Variants in NCAM1 observed in about 807,000 individuals in gnomAD.
NCAM1 encodes the protein antigen recognized by monoclonal antibody 5.1H11.
NCAM1 carries 14 observed loss-of-function variants against 109.8 expected under a neutral mutation model. The ratio of observed to expected loss-of-function variants is 0.13; its 90% CI spans 0.08 to 0.20. The LOEUF (loss-of-function observed/expected upper bound fraction) is 0.20. NCAM1 is among the 10% of genes least tolerant of loss of function. The pLI is 1.00. For missense variants in NCAM1, 774 were observed against 1,109.9 expected (o/e 0.70, Z 4.30); for synonymous variants, 418 against 442.9 (o/e 0.94, Z 0.70).
In NCAM1 at chr11:113,273,197, C is replaced by T; in HGVS notation, c.2456+1321C>T. ...CCCCAGCTTCAGCCCCCAAGGTCGCCCCCCTCGTTGACCTGAGCGACACCC... is the reference window on the plus strand; with the variant it reads ...CCCCAGCTTCAGCCCCCAAGGTCGCTCCCCTCGTTGACCTGAGCGACACCC... On this transcript the variant is annotated intron_variant, in intron 19 of 19. Coordinates refer to ENST00000316851, the MANE Select transcript of NCAM1 (RefSeq NM_181351.5). The surrounding 1 kb of genome is among the most constrained non-coding windows in gnomAD (Gnocchi z 6.0). 2 of 387,860 alleles carry T rather than the reference C, an allele frequency of 5.2e-6. No homozygotes were observed. Among genetic ancestry groups the T allele is most frequent in the Middle Eastern group, 8.1e-4 (2 of 2,470 alleles). 24.0% of individuals were successfully genotyped at this position (387,860 alleles called of 1,614,324 possible).
intron 17 of NCAM1, chr11:113,263,899 G>C (rs1555123884): frequency 1.0e-6 from 1 of 985,380 alleles, no homozygotes; most frequent in African/African-American, 1.7e-5. Context: ...TAATAAATTG[G>C]GGCCGAGCCA....
chr11:113,213,852 C>T (rs1555113975), intron 7 of NCAM1, among the ~76,000 whole-genome samples: 1 of 152,218 alleles, frequency 6.6e-6, no homozygotes, highest in African/African-American at 2.4e-5. Flanking sequence ...TTTTGTGCCC[C>T]TGACTAAATG....
intron 1 of NCAM1, among the ~76,000 whole-genome samples, chr11:113,140,583 T>G (rs1479294530): frequency 6.6e-6 from 1 of 152,236 alleles, no homozygotes; most frequent in African/African-American, 2.4e-5. Flanking sequence ...TCCCACATCC[T>G]GTACTTGTAT....
chr11:113,093,908 G>C (rs1319295016), intron 1 of NCAM1, among the ~76,000 whole-genome samples: 1 of 152,148 alleles, frequency 6.6e-6, no homozygotes, highest in Non-Finnish European at 1.5e-5. Context: ...TGGTCTTCCA[G>C]ACCAGTTGGA....
chr11:113,242,002 G>A (rs1945341534), intron 14 of NCAM1, among the ~76,000 whole-genome samples: 1 of 152,164 alleles, frequency 6.6e-6, no homozygotes, highest in African/African-American at 2.4e-5. Flanking sequence ...CGGAGTTCAG[G>A]CTTTGGAAGT....
chr11:113,038,209 C>G (rs1302662386), intron 1 of NCAM1, among the ~76,000 whole-genome samples: 1 of 152,204 alleles, frequency 6.6e-6, no homozygotes, highest in African/African-American at 2.4e-5. Context: ...AATTATCGCT[C>G]ACTAATCCCT....
chr11:113,110,715 T>C (rs1940407527), intron 1 of NCAM1, among the ~76,000 whole-genome samples: 1 of 152,202 alleles, frequency 6.6e-6, no homozygotes, highest in South Asian at 2.1e-4. Context: ...AGCAGAAGTT[T>C]TAAATTTTCT....
intron 7 of NCAM1, among the ~76,000 whole-genome samples, chr11:113,213,068 T>G (rs1249622399): frequency 6.6e-6 from 1 of 152,264 alleles, no homozygotes; most frequent in African/African-American, 2.4e-5. Context: ...AACAAAAGTA[T>G]ATAGTTCTAT....
chr11:113,200,752 C>T (rs1007340213), intron 1 of NCAM1, among the ~76,000 whole-genome samples: 1 of 152,160 alleles, frequency 6.6e-6, no homozygotes, highest in Non-Finnish European at 1.5e-5. Flanking sequence ...CAGATAATCA[C>T]ACTTGCACTG....
intron 19 of NCAM1, among the ~76,000 whole-genome samples, chr11:113,275,060 C>T (rs542832281): frequency 3.9e-5 from 6 of 152,284 alleles, no homozygotes; most frequent in Admixed American, 3.9e-4. Context: ...TCACTGTGTC[C>T]GGACCAATTA....
intron 1 of NCAM1, among the ~76,000 whole-genome samples, chr11:112,979,774 A>G (rs1426639155): frequency 1.3e-5 from 2 of 151,804 alleles, no homozygotes; most frequent in Non-Finnish European, 2.9e-5. Flanking sequence ...GGCTCCCATA[A>G]TTTTTGTTTA....
intron 1 of NCAM1, among the ~76,000 whole-genome samples, chr11:113,083,814 G>A (rs186188074): frequency 1.2e-4 from 19 of 152,284 alleles, no homozygotes; most frequent in Admixed American, 3.3e-4. Context: ...TTGTCTTTGA[G>A]TGCAGCAATG....
rs116481096 is a variant in NCAM1 at position 113,058,640 on chromosome 11, A to G, written c.52+96976A>G. On this transcript the variant is annotated intron_variant, in intron 1 of 19. Coordinates refer to ENST00000316851, the MANE Select transcript of NCAM1 (RefSeq NM_181351.5). ...GAGTTCGACTTTCTTTCATTATGTC[A>G]TTGTTTTGAACAGATGGTGCAGAAC... 4.3e-3 allele frequency among the ~76,000 whole-genome samples: 656 copies of G among 152,222 alleles called. 5 individuals carry two copies. Among genetic ancestry groups the G allele is most frequent in the African/African-American group, 0.015 (626 of 41,552 alleles).
intron 1 of NCAM1, chr11:113,133,159 A>G (rs1359294660): frequency 6.6e-6 from 1 of 152,246 alleles, no homozygotes; most frequent in African/African-American, 2.4e-5. Flanking sequence ...TAGATGCTAA[A>G]GAGCCTTCTC....
intron 15 of NCAM1, among the ~76,000 whole-genome samples, chr11:113,249,416 C>T (rs112534466): frequency 0.012 from 1,847 of 152,272 alleles, 21 homozygotes; most frequent in Non-Finnish European, 0.02. Context: ...TGTGTCAGCC[C>T]GAATCCTGTG....
intron 1 of NCAM1, among the ~76,000 whole-genome samples, chr11:113,087,632 T>A (rs1939149510): frequency 1.3e-5 from 2 of 152,202 alleles, no homozygotes; most frequent in African/African-American, 4.8e-5. Flanking sequence ...TGATAGGAGC[T>A]GTTGAACTTG....
chr11:113,264,809 C>T (rs1946100572), intron 17 of NCAM1: 1 of 985,308 alleles, frequency 1.0e-6, no homozygotes, highest in Non-Finnish European at 1.2e-6. Context: ...CTCAAGGGTC[C>T]CATTTAGACA....
At chr11:113,110,626 G>C (rs1940403624) in intron 1 of NCAM1, among the ~76,000 whole-genome samples, 1 of 152,054 alleles carries the variant, frequency 6.6e-6, no homozygotes, top group African/African-American at 2.4e-5. Context: ...AAGGGTGGCT[G>C]GTGTTTACTA....
chr11:113,185,355 A>G (rs146225500), intron 1 of NCAM1, among the ~76,000 whole-genome samples: 24 of 152,306 alleles, frequency 1.6e-4, no homozygotes, highest in Admixed American at 4.6e-4. Context: ...CTTTTATTTT[A>G]TTGAGACCTT....
Sources: gnomAD v4.1 joint callset for allele counts (sites outside exome capture counted in the v4.1 genomes callset) on GRCh38, gnomAD v4.1.1 for gene constraint, Gnocchi (gnomAD v3.1) non-coding constraint, MANE v1.5 for transcripts, NCBI Gene and HGNC (gene_info 2026-07-23, HGNC 2026-07-21) for gene names.